Variants in CHST7 observed in about 807,000 individuals in gnomAD.
CHST7 encodes carbohydrate sulfotransferase 7, also known as N-acetylglucosamine 6-O-sulfotransferase 4.
A neutral mutation model predicts 9.0 loss-of-function variants in CHST7; 5 were observed. That is an observed-to-expected ratio of 0.56 (90% CI 0.29 to 1.17). The LOEUF is 1.17. Among genes scored for constraint, CHST7 ranks in the 50% most tolerant of loss-of-function variants. CHST7 has a pLI of 0.08. For missense variants in CHST7, 377 were observed against 485.1 expected (o/e 0.78, Z 2.09); for synonymous variants, 244 against 237.1 (o/e 1.03, Z -0.27).
intron 1 of CHST7, among the ~76,000 whole-genome samples, chrX:46,578,978 C>T (rs1337185266): frequency 9.0e-6 from 1 of 110,604 alleles, no homozygotes; most frequent in Non-Finnish European, 1.9e-5. Flanking sequence ...TTTAAGTAGT[C>T]TGGAGTGGAG....
At chrX:46,591,675 G>A (rs747474172) in intron 1 of CHST7, among the ~76,000 whole-genome samples, 9 of 111,287 alleles carry the variant, frequency 8.1e-5, no homozygotes, top group Non-Finnish European at 1.1e-4. Flanking sequence ...GCGCCTGGCC[G>A]AGATTTCTTT....
intron 1 of CHST7, among the ~76,000 whole-genome samples, chrX:46,596,974 G>A (rs1414252131): frequency 9.0e-6 from 1 of 110,544 alleles, no homozygotes; most frequent in Non-Finnish European, 1.9e-5. Flanking sequence ...TTATAGAAAG[G>A]CCTCAAAGCA....
At chrX:46,581,249 AAATAAT>A (rs751711982) in intron 1 of CHST7, among the ~76,000 whole-genome samples, 1 of 89,848 alleles carries the variant, frequency 1.1e-5, no homozygotes, top group South Asian at 5.3e-4. Context: ...AAAAAAAAAA[AAATAAT>A]AATAATAATA....
chrX:46,589,425 C>T (rs914395444), intron 1 of CHST7, among the ~76,000 whole-genome samples: 28 of 110,080 alleles, frequency 2.5e-4, no homozygotes, highest in Non-Finnish European at 5.3e-4. Flanking sequence ...TGGCAGGCAC[C>T]TGTAATCCCA....
At position 46,573,782 on chromosome X, in the gene CHST7, C is replaced by T. The variant is rs1602105724; in HGVS notation, c.-150C>T. ...GCGCCGTCAGTAGCACCACCGCCTT[C>T]CAAGTTTCCCCTTGTGGATGCGCGG... On this transcript the variant is annotated 5_prime_UTR_variant, in exon 1 of 2. Transcript: ENST00000276055. 1.1e-6 allele frequency: 1 copy of T among 922,952 alleles called. No individual in the cohort carries two copies. The allele number at this position is 922,952 out of a possible 1,213,427, so 76.1% of individuals were successfully genotyped here. A position where few individuals can be genotyped will look rare whatever the true frequency, so the allele number is the denominator to read the frequency against.
At chrX:46,593,507 AAT>A (rs199936892) in intron 1 of CHST7, among the ~76,000 whole-genome samples, 2,541 of 111,745 alleles carry the variant, frequency 0.023, 51 homozygotes, top group Non-Finnish European at 0.033. Flanking sequence ...TCTTTTGATT[AAT>A]GTTTGTATGG....
At chrX:46,578,147 A>G (rs1333722283) in intron 1 of CHST7, among the ~76,000 whole-genome samples, 2 of 110,654 alleles carry the variant, frequency 1.8e-5, no homozygotes, top group Admixed American at 1.9e-4. Context: ...CACTGTAACA[A>G]GATGGTAGCC....
chrX:46,584,900 G>A (rs1184716287), intron 1 of CHST7, among the ~76,000 whole-genome samples: 1 of 111,539 alleles, frequency 9.0e-6, no homozygotes, highest in Non-Finnish European at 1.9e-5. Flanking sequence ...CATCCAGACA[G>A]ATAAGGTAGA....
At chrX:46,583,163 AG>A (rs1942533421) in intron 1 of CHST7, among the ~76,000 whole-genome samples, 1 of 111,816 alleles carries the variant, frequency 8.9e-6, no homozygotes, top group South Asian at 3.7e-4. Flanking sequence ...CTGACGTTCC[AG>A]TTGAACAAGG....
At chrX:46,577,464 C>T (rs1459218724) in intron 1 of CHST7, among the ~76,000 whole-genome samples, 2 of 111,337 alleles carry the variant, frequency 1.8e-5, no homozygotes, top group Non-Finnish European at 3.8e-5. Flanking sequence ...ACGTTACTGC[C>T]GACTCACTGA....
At chrX:46,583,263 T>G (rs958070991) in intron 1 of CHST7, among the ~76,000 whole-genome samples, 8 of 112,156 alleles carry the variant, frequency 7.1e-5, no homozygotes, top group African/African-American at 2.6e-4. Context: ...CTTGCTCTAT[T>G]GAAAAGGACA....
intron 1 of CHST7, among the ~76,000 whole-genome samples, chrX:46,586,397 C>A (rs915464573): frequency 4.5e-5 from 5 of 112,045 alleles, no homozygotes; most frequent in African/African-American, 1.6e-4. Flanking sequence ...ACTTCCTGGG[C>A]AGTCCCAGTG....
intron 1 of CHST7, among the ~76,000 whole-genome samples, chrX:46,595,336 T>C (rs1942588992): frequency 8.9e-6 from 1 of 112,386 alleles, no homozygotes; most frequent in East Asian, 2.8e-4. Flanking sequence ...GGAAGAATTA[T>C]CTTATGAATC....
chrX:46,597,334 G>A (rs1259052834), intron 1 of CHST7, among the ~76,000 whole-genome samples: 2 of 112,210 alleles, frequency 1.8e-5, no homozygotes, highest in East Asian at 5.6e-4. Context: ...CAGTTTTATA[G>A]AATCGTCAGT....
intron 1 of CHST7, among the ~76,000 whole-genome samples, chrX:46,576,536 C>G (rs1942500483): frequency 9.0e-6 from 1 of 111,309 alleles, no homozygotes; most frequent in Non-Finnish European, 1.9e-5. Context: ...AGTGTATGGC[C>G]TGAGGGAAGG....
intron 1 of CHST7, among the ~76,000 whole-genome samples, chrX:46,592,768 C>A (rs1003418117): frequency 4.7e-5 from 5 of 106,238 alleles, no homozygotes; most frequent in Non-Finnish European, 9.6e-5. Flanking sequence ...TTAATTATTT[C>A]CTTACTTCTG....
Position 46,574,562 on chromosome X carries a change from C to G in CHST7, c.631C>G (p.Pro211Ala). Residue 211 changes from proline to alanine, a missense_variant, in exon 1 of 2, where the codon CCC becomes GCC. Physicochemically the swap from Pro to Ala is conservative, Grantham distance 27 (BLOSUM62 -1). Transcript: ENST00000276055. ...CTCGCCGCCACTGTGTCCTGGCGCA[C>G]CCCGTGCCCGGGCCGAGGTGGGCCT... ...ICSPPLCPGA[P>A]RARAEVGLVE... is the part of the protein sequence containing the mutation. 1 of 1,206,504 alleles carries G rather than the reference C, an allele frequency of 8.3e-7. No homozygotes were observed. Among genetic ancestry groups the G allele is most frequent in the Non-Finnish European group, 1.1e-6 (1 of 892,668 alleles).
intron 1 of CHST7, among the ~76,000 whole-genome samples, chrX:46,577,652 TCATAC>T (rs1170303465): frequency 4.5e-5 from 5 of 111,164 alleles, no homozygotes; most frequent in Non-Finnish European, 9.4e-5. Context: ...TTGCCCAAAG[TCATAC>T]CTGGGCTGGT....
At chrX:46,581,326 G>A (rs1302227316) in intron 1 of CHST7, among the ~76,000 whole-genome samples, 2 of 106,233 alleles carry the variant, frequency 1.9e-5, no homozygotes, top group Non-Finnish European at 3.9e-5. Context: ...GGTAGGCCGA[G>A]GCAGGTGGAC....
Sources: allele counts gnomAD v4.1 joint callset (sites outside exome capture counted in the v4.1 genomes callset), GRCh38; gene constraint gnomAD v4.1.1; transcripts MANE v1.5; gene names NCBI Gene and HGNC (gene_info 2026-07-23, HGNC 2026-07-21).